The following HMGA2 variants were observed in gnomAD, a reference collection of about 807,000 sequenced individuals.
The protein encoded by HMGA2 is high mobility group protein HMGI-C.
HMGA2 carries 8 observed loss-of-function variants against 19.1 expected under a neutral mutation model. That is an observed-to-expected ratio of 0.42 (90% confidence interval 0.25 to 0.76). HMGA2 has a LOEUF of 0.76. Ranked by LOEUF, HMGA2 falls within the 30% of genes least tolerant of loss-of-function variation. The probability of loss-of-function intolerance (pLI) is 0.28; values close to 1 mark genes in which losing one functional copy is unlikely to be tolerated. For synonymous variants in HMGA2, 60 were observed against 48.8 expected (o/e 1.23, Z -0.96); for missense variants, 109 against 136.3 (o/e 0.80, Z 1.00).
At chr12:65,904,795 A>G (rs1320877771) in intron 3 of HMGA2, among the ~76,000 whole-genome samples, 1 of 152,076 alleles carries the variant, frequency 6.6e-6, no homozygotes, top group Non-Finnish European at 1.5e-5. Context: ...AATTTTTTTC[A>G]CTTTGGGAGG....
chr12:65,874,555 C>T (rs550823850), intron 3 of HMGA2, among the ~76,000 whole-genome samples: 3 of 152,266 alleles, frequency 2.0e-5, no homozygotes, highest in African/African-American at 4.8e-5. Flanking sequence ...TGTAGTGTGA[C>T]TCCAGGTGCC....
chr12:65,831,606 G>T (rs1870481959), intron 2 of HMGA2, among the ~76,000 whole-genome samples: 1 of 151,762 alleles, frequency 6.6e-6, no homozygotes, highest in Admixed American at 6.6e-5. Flanking sequence ...TTAAAATAAT[G>T]TGTTCAGAGT....
At chr12:65,954,459 G>A (rs1876549416) in intron 4 of HMGA2, 1 of 152,144 alleles carries the variant, frequency 6.6e-6, no homozygotes, top group Non-Finnish European at 1.5e-5. Context: ...AATTACAAAG[G>A]CTCTGTGGTG....
chr12:65,949,359 T>C (rs1406952287), intron 3 of HMGA2, among the ~76,000 whole-genome samples: 1 of 152,098 alleles, frequency 6.6e-6, no homozygotes, highest in Non-Finnish European at 1.5e-5. Flanking sequence ...AGAGGAACTC[T>C]GAGAGGAAGG....
chr12:65,937,555 A>G (rs543346761), intron 3 of HMGA2, among the ~76,000 whole-genome samples: 54 of 152,332 alleles, frequency 3.5e-4, no homozygotes, highest in Middle Eastern at 3.4e-3. Context: ...GACATGACCA[A>G]TGAGTTACAG....
chr12:65,833,675 T>C (rs901922945), intron 2 of HMGA2, among the ~76,000 whole-genome samples: 5 of 152,174 alleles, frequency 3.3e-5, no homozygotes, highest in African/African-American at 1.2e-4. Context: ...ATTTTTTAAA[T>C]TTTTGAATGG....
chr12:65,873,739 A>G (rs1445685812), intron 3 of HMGA2: 2 of 152,198 alleles, frequency 1.3e-5, no homozygotes, highest in South Asian at 2.1e-4. Flanking sequence ...CACAAAATTC[A>G]TTGTTAAAGA....
chr12:65,888,659 GT>G (rs1183622887), intron 3 of HMGA2, among the ~76,000 whole-genome samples: 4 of 137,318 alleles, frequency 2.9e-5, no homozygotes, highest in African/African-American at 8.3e-5. Flanking sequence ...CGCCTCCCGG[GT>G]TCATGCCATT....
intron 4 of HMGA2, chr12:65,954,702 C>T (rs950835917): frequency 6.6e-6 from 1 of 152,136 alleles, no homozygotes; most frequent in African/African-American, 2.4e-5. Context: ...CGAAATCCAC[C>T]AGGTGTCATC....
At chr12:65,887,026 A>T (rs1229824920) in intron 3 of HMGA2, among the ~76,000 whole-genome samples, 1 of 152,232 alleles carries the variant, frequency 6.6e-6, no homozygotes, top group Admixed American at 6.5e-5. Flanking sequence ...CATGTTCCCC[A>T]TGGCTCAAAA....
At chr12:65,832,469 A>G (rs1411246945) in intron 2 of HMGA2, among the ~76,000 whole-genome samples, 3 of 152,000 alleles carry the variant, frequency 2.0e-5, no homozygotes, top group African/African-American at 7.2e-5. Flanking sequence ...CTAAGGAGAT[A>G]GAATATACCA....
intron 3 of HMGA2, chr12:65,867,750 A>C (rs1872503668): frequency 4.2e-6 from 1 of 239,298 alleles, no homozygotes; most frequent in East Asian, 8.3e-5. Flanking sequence ...AAAAGATCTG[A>C]ATTAACGTAT....
chr12:65,955,038 G>C (rs1254110130), intron 4 of HMGA2: 1 of 152,100 alleles, frequency 6.6e-6, no homozygotes, highest in Non-Finnish European at 1.5e-5. Context: ...AAAATTAGCC[G>C]GGCGTGGCGG....
chr12:65,916,659 A>G (rs1875113132), intron 3 of HMGA2, among the ~76,000 whole-genome samples: 1 of 152,200 alleles, frequency 6.6e-6, no homozygotes, highest in Non-Finnish European at 1.5e-5. Context: ...CCTGTTTACT[A>G]CTTTTTTGAG....
At chr12:65,960,546 A>C (rs1876723945) in intron 4 of HMGA2, among the ~76,000 whole-genome samples, 1 of 152,222 alleles carries the variant, frequency 6.6e-6, no homozygotes, top group Non-Finnish European at 1.5e-5. Flanking sequence ...GCCCCACCAC[A>C]TCAACCCTTT....
At chr12:65,880,979 T>C (rs759898636) in intron 3 of HMGA2, among the ~76,000 whole-genome samples, 2 of 152,174 alleles carry the variant, frequency 1.3e-5, no homozygotes, top group Non-Finnish European at 2.9e-5. Flanking sequence ...AAATAATGCC[T>C]GTAGGGAAAA....
At chr12:65,873,376 G>A (rs1872805291) in intron 3 of HMGA2, among the ~76,000 whole-genome samples, 1 of 151,898 alleles carries the variant, frequency 6.6e-6, no homozygotes, top group Admixed American at 6.6e-5. Context: ...AGCAGAAATG[G>A]CTTATTTCCT....
intron 4 of HMGA2, chr12:65,952,242 A>G: frequency 1.4e-6 from 1 of 716,366 alleles, no homozygotes. Context: ...ATAAGTAGTA[A>G]GCAGTGTCAT....
rs60786450 is a variant in HMGA2, at chr12:65,824,713, TTCTCTCTCTC to T, written c.-511_-502del. 4,576 of 144,130 alleles carry T rather than the reference TTCTCTCTCTC, an allele frequency of 0.032. 20 individuals are homozygous for T. Among genetic ancestry groups the T allele is most frequent in the Middle Eastern group, 0.046 (24 of 520 alleles). 8.9% of individuals were successfully genotyped at this position (144,130 alleles called of 1,614,324 possible). On this transcript the variant is annotated 5_prime_UTR_variant, in exon 1 of 5. Coordinates refer to ENST00000403681, the MANE Select transcript of HMGA2 (RefSeq NM_003483.6). ...CCAAGGCACTTTCAATCTCAATCTCTTCTCTCTCTCTCTCTCTCTCTCTCTCTCTCTCTCT... is the reference window on the plus strand; with the variant it reads ...CCAAGGCACTTTCAATCTCAATCTCTTCTCTCTCTCTCTCTCTCTCTCTCT...
Sources: gnomAD v4.1 joint callset for allele counts (sites outside exome capture counted in the v4.1 genomes callset) on GRCh38, gnomAD v4.1.1 for gene constraint, MANE v1.5 for transcripts, NCBI Gene and HGNC (gene_info 2026-07-23, HGNC 2026-07-21) for gene names.